Variants in MGAT5 observed in about 807,000 individuals in gnomAD.
MGAT5 encodes the protein alpha-1,6-mannosylglycoprotein 6-beta-N-acetylglucosaminyltransferase, also known as alpha-1,6-mannosylglycoprotein 6-beta-N-acetylglucosaminyltransferase A.
A neutral mutation model predicts 94.3 loss-of-function variants in MGAT5; 30 were observed. The ratio of observed to expected loss-of-function variants is 0.32; its 90% CI spans 0.24 to 0.43. The LOEUF (loss-of-function observed/expected upper bound fraction) is 0.43, where lower values mean the gene tolerates loss of function less well. Among genes scored for constraint, MGAT5 ranks in the 20% least tolerant of loss-of-function variants. The pLI is 1.00. For synonymous variants in MGAT5, 310 were observed against 322.9 expected (o/e 0.96, Z 0.43); for missense variants, 691 against 905.5 (o/e 0.76, Z 3.04).
chr2:134,383,477 C>T (rs1681756739), intron 10 of MGAT5, among the ~76,000 whole-genome samples: 1 of 152,206 alleles, frequency 6.6e-6, no homozygotes, highest in African/African-American at 2.4e-5. Flanking sequence ...TACTTTATTA[C>T]TAATCTAGCT....
intron 10 of MGAT5, among the ~76,000 whole-genome samples, chr2:134,398,854 G>A (rs779037615): frequency 6.6e-6 from 1 of 152,210 alleles, no homozygotes. Context: ...CTATGTAGGA[G>A]CTAAAAAGGT....
intron 10 of MGAT5, among the ~76,000 whole-genome samples, chr2:134,393,118 A>C (rs186495506): frequency 3.8e-4 from 58 of 152,382 alleles, no homozygotes; most frequent in African/African-American, 1.3e-3. Flanking sequence ...GGGCAGGTTT[A>C]ATATTCCTTC....
chr2:134,175,874 G>A (rs987425695), intron 1 of MGAT5, among the ~76,000 whole-genome samples: 1 of 152,294 alleles, frequency 6.6e-6, no homozygotes, highest in East Asian at 1.9e-4. Flanking sequence ...AGGTGGAGGT[G>A]CTTCCTCAGG....
intron 1 of MGAT5, among the ~76,000 whole-genome samples, chr2:134,264,160 T>C (rs1573647596): frequency 6.6e-6 from 1 of 152,050 alleles, no homozygotes; most frequent in East Asian, 1.9e-4. Flanking sequence ...GTAGCTGGGA[T>C]TACAGGCATG....
intron 2 of MGAT5, among the ~76,000 whole-genome samples, chr2:134,281,032 G>A (rs1402286963): frequency 6.6e-6 from 1 of 152,198 alleles, no homozygotes; most frequent in Non-Finnish European, 1.5e-5. Flanking sequence ...CTGGTCTTTG[G>A]CATCAGACAT....
At chr2:134,186,878 G>T in intron 1 of MGAT5, among the ~76,000 whole-genome samples, 1 of 152,092 alleles carries the variant, frequency 6.6e-6, no homozygotes, top group African/African-American at 2.4e-5. Flanking sequence ...ATGTCAGGTG[G>T]AGATTCAGGC....
chr2:134,272,909 T>C (rs1684113173), intron 2 of MGAT5, among the ~76,000 whole-genome samples: 1 of 152,256 alleles, frequency 6.6e-6, no homozygotes, highest in Non-Finnish European at 1.5e-5. Flanking sequence ...GCTGCCAGTT[T>C]CCTAGATTTA....
chr2:134,350,176 T>C (rs1260523197), intron 9 of MGAT5, among the ~76,000 whole-genome samples: 2 of 152,170 alleles, frequency 1.3e-5, no homozygotes, highest in Admixed American at 1.3e-4. Flanking sequence ...AGAAAAAATG[T>C]TCAATACAAA....
intron 10 of MGAT5, among the ~76,000 whole-genome samples, chr2:134,362,639 A>G (rs527972328): frequency 2.0e-5 from 3 of 152,330 alleles, no homozygotes; most frequent in South Asian, 2.1e-4. Flanking sequence ...CACTCTCTGC[A>G]TGTCAGAAGG....
At chr2:134,310,477 T>C (rs1330733006) in intron 2 of MGAT5, among the ~76,000 whole-genome samples, 1 of 152,182 alleles carries the variant, frequency 6.6e-6, no homozygotes, top group East Asian at 1.9e-4. Flanking sequence ...AATTATTTTA[T>C]GCAATGATGA....
chr2:134,327,796 A>G (rs931382617), intron 4 of MGAT5, among the ~76,000 whole-genome samples: 2 of 152,156 alleles, frequency 1.3e-5, no homozygotes, highest in African/African-American at 2.4e-5. Flanking sequence ...GAATGAGCCA[A>G]TTGTATTAGA....
At chr2:134,412,584 C>T (rs1337081528) in intron 11 of MGAT5, among the ~76,000 whole-genome samples, 2 of 152,002 alleles carry the variant, frequency 1.3e-5, no homozygotes, top group Non-Finnish European at 2.9e-5. Flanking sequence ...ACTCCATCCT[C>T]CCTACCCCGT....
chr2:134,161,492 G>A (rs1302119979), intron 1 of MGAT5, among the ~76,000 whole-genome samples: 1 of 152,194 alleles, frequency 6.6e-6, no homozygotes, highest in African/African-American at 2.4e-5. Context: ...ATCTCCCAGG[G>A]CCCTGGACTC....
In MGAT5 at chr2:134,451,899, T is replaced by C. The variant is rs1686128791; in HGVS notation, c.*3052T>C. ...CATGTATAAATGGAGATGCTTTTCA[T>C]TTTTGTTTGGACTGGGTTTGTGTCA... On this transcript the variant is annotated 3_prime_UTR_variant, in exon 16 of 16. Transcript: ENST00000281923. 6.6e-6 allele frequency: 1 copy of C among 152,250 alleles called. No homozygotes were observed. Among genetic ancestry groups the C allele is most frequent in the Admixed American group, 6.5e-5 (1 of 15,286 alleles). The allele number at this position is 152,250 out of a possible 1,614,324, so 9.4% of individuals were successfully genotyped here. A position where few individuals can be genotyped will look rare whatever the true frequency, so the allele number is the denominator to read the frequency against.
chr2:134,378,276 G>A (rs922664221), intron 10 of MGAT5, among the ~76,000 whole-genome samples: 16 of 152,178 alleles, frequency 1.1e-4, no homozygotes, highest in African/African-American at 2.7e-4. Context: ...GGTGGAGACC[G>A]TATTGGGGAG....
intron 1 of MGAT5, among the ~76,000 whole-genome samples, chr2:134,144,662 G>C (rs947617874): frequency 6.6e-6 from 1 of 152,152 alleles, no homozygotes; most frequent in African/African-American, 2.4e-5. Context: ...TCCCTAAAAA[G>C]TAAGGTCTTA....
intron 2 of MGAT5, among the ~76,000 whole-genome samples, chr2:134,271,371 T>C (rs1573665031): frequency 6.6e-6 from 1 of 152,250 alleles, no homozygotes; most frequent in African/African-American, 2.4e-5. Flanking sequence ...ATTCAGTGCT[T>C]TGGGTGAATG....
At chr2:134,253,035 G>A (rs540613024), upstream of MGAT5, 4 of 152,310 alleles carry the variant, frequency 2.6e-5, no homozygotes, top group East Asian at 7.7e-4. Context: ...ACAAAAGATG[G>A]TATGTCACAA....
chr2:134,401,882 C>G (rs11884032), intron 10 of MGAT5, among the ~76,000 whole-genome samples: 1 of 152,110 alleles, frequency 6.6e-6, no homozygotes, highest in African/African-American at 2.4e-5. Context: ...GTTGAGGGTC[C>G]TTTGTAATAT....
Sources: gnomAD v4.1 joint callset for allele counts (sites outside exome capture counted in the v4.1 genomes callset) on GRCh38, gnomAD v4.1.1 for gene constraint, MANE v1.5 for transcripts, NCBI Gene and HGNC (gene_info 2026-07-23, HGNC 2026-07-21) for gene names.